CFAP46: variants seen among roughly 807,000 people sequenced by gnomAD.
The protein encoded by CFAP46 is cilia and flagella associated protein 46.
In CFAP46, 245 loss-of-function variants were observed where a neutral mutation model predicts 325.7. That is an observed-to-expected ratio of 0.75 (90% confidence interval 0.68 to 0.84). The LOEUF is 0.84. Among genes scored for constraint, CFAP46 ranks in the 40% least tolerant of loss-of-function variants. CFAP46 has a pLI of 0.00. For missense variants in CFAP46, 3,346 were observed against 3,543.0 expected (o/e 0.94, Z 1.41); for synonymous variants, 1,523 against 1,495.9 (o/e 1.02, Z -0.42).
In CFAP46 at chr10:132,844,973, G is replaced by A. The variant is rs188826401; in HGVS notation, c.6438+1084C>T. Among the ~76,000 whole-genome samples the A allele has an allele frequency of 1.2e-4, 19 of 152,264 alleles. No individual in the cohort carries two copies. The South Asian group carries it at 3.7e-3, about 30-fold the overall frequency. ...GGCTCAAGTGATCCTCCTGCCTCAG[G>A]CTCCTGAGTAACTAGGACTACAGGT... On this transcript the variant is annotated intron_variant, in intron 44 of 57. Transcript: ENST00000368586.
intron 50 of CFAP46, among the ~76,000 whole-genome samples, chr10:132,821,741 GCGC>G (rs1565035575): frequency 7.8e-6 from 1 of 127,474 alleles, no homozygotes; most frequent in Non-Finnish European, 1.7e-5. Context: ...TGCTGTGTGT[GCGC>G]TGATGTGTGC....
intron 22 of CFAP46, among the ~76,000 whole-genome samples, chr10:132,905,293 C>T (rs1442070223): frequency 1.3e-5 from 2 of 152,184 alleles, no homozygotes; most frequent in African/African-American, 2.4e-5. Flanking sequence ...TGTCCCCATC[C>T]GTCCTATGAG....
chr10:132,845,098 G>C (rs370390344), intron 44 of CFAP46, among the ~76,000 whole-genome samples: 1 of 152,114 alleles, frequency 6.6e-6, no homozygotes, highest in Non-Finnish European at 1.5e-5. Context: ...TTTAATTCCC[G>C]CTTGCCATGC....
chr10:132,858,073 T>G (rs939264650), intron 38 of CFAP46, among the ~76,000 whole-genome samples: 2 of 152,254 alleles, frequency 1.3e-5, no homozygotes, highest in African/African-American at 4.8e-5. Flanking sequence ...TCTGATCAGC[T>G]AACTGAACTT....
chr10:132,904,704 C>G (rs1200337031), intron 22 of CFAP46, among the ~76,000 whole-genome samples: 2 of 152,244 alleles, frequency 1.3e-5, no homozygotes, highest in Admixed American at 1.3e-4. Context: ...TGCAGCAGCA[C>G]TCTGCACCCT....
intron 57 of CFAP46, 31 bp downstream of exon 57, chr10:132,810,377 AG>A (rs1470316995): frequency 6.2e-7 from 1 of 1,603,820 alleles, no homozygotes; most frequent in South Asian, 1.1e-5. Flanking sequence ...AGGGTGCTGA[AG>A]GCCGCGGGGT....
chr10:132,822,914 AGTGCTGATGT>A lies in CFAP46; in HGVS notation c.7118-8010_7118-8001del, dbSNP rs985654823. On this transcript the variant is annotated intron_variant, in intron 50 of 57. Coordinates refer to ENST00000368586, the MANE Select transcript of CFAP46 (RefSeq NM_001200049.3). ...GATGTGTGCTGATGTGTGCTGTGTGAGTGCTGATGTGTGCTGATGTGTGCACTGTGTGCTG... is the reference window on the plus strand; with the variant it reads ...GATGTGTGCTGATGTGTGCTGTGTGAGTGCTGATGTGTGCACTGTGTGCTG... 2.8e-4 allele frequency among the ~76,000 whole-genome samples: 17 copies of A among 60,722 alleles called. No homozygotes were observed. In the East Asian group the frequency reaches 4.3e-3, roughly 15 times the overall value. 39.8% of individuals were successfully genotyped at this position (60,722 alleles called of 152,430 possible).
intron 17 of CFAP46, 123 bp from the exon 18 acceptor site, chr10:132,913,381 G>GCAATTTGGGGGGGGGGGGGGGGGGC: frequency 2.9e-6 from 1 of 350,508 alleles, no homozygotes; most frequent in Non-Finnish European, 5.7e-6. Flanking sequence ...GGGCGGGTGG[G>GCAATTTGGGGGGGGGGGGGGGGGGC]CGGCGACCAA....
intron 8 of CFAP46, among the ~76,000 whole-genome samples, chr10:132,932,951 G>A (rs373074767): frequency 7.9e-5 from 12 of 152,344 alleles, no homozygotes; most frequent in Admixed American, 3.9e-4. Flanking sequence ...GCAGCTGCCC[G>A]CTAGATGAAG....
At chr10:132,899,484 C>G in intron 23 of CFAP46, 51 bp downstream of exon 23, 1 of 1,497,378 alleles carries the variant, frequency 6.7e-7, no homozygotes, top group South Asian at 1.3e-5. Context: ...ACAGGGGTCC[C>G]GCACGGCCGG....
chr10:132,936,582 G>A (rs954956114), intron 7 of CFAP46, among the ~76,000 whole-genome samples: 1 of 130,084 alleles, frequency 7.7e-6, no homozygotes, highest in East Asian at 2.3e-4. Context: ...ACTCCCCTCT[G>A]CCCCCAAATA....
intron 4 of CFAP46, among the ~76,000 whole-genome samples, 181 bp downstream of exon 4, chr10:132,940,815 C>T (rs978458550): frequency 5.3e-5 from 8 of 152,188 alleles, no homozygotes; most frequent in East Asian, 1.9e-4. Flanking sequence ...ACTCGGAATT[C>T]GGCATGAATG....
chr10:132,926,831 A>G (rs1849818169), intron 9 of CFAP46, among the ~76,000 whole-genome samples, 165 bp from the exon 10 acceptor site: 2 of 152,224 alleles, frequency 1.3e-5, no homozygotes, highest in African/African-American at 4.8e-5. Context: ...TAAGTGAGGA[A>G]GCCGTGTTTT....
Position 132,869,176 on chromosome 10 carries a change from G to A in CFAP46, c.4610+98C>T. 1.1e-6 allele frequency: 1 copy of A among 949,512 alleles called. No individual in the cohort carries two copies. Among genetic ancestry groups the A allele is most frequent in the Non-Finnish European group, 1.5e-6 (1 of 663,050 alleles). The allele number at this position is 949,512 out of a possible 1,614,324, so 58.8% of individuals were successfully genotyped here. Reference sequence around the variant, plus strand: ...GTGCTCACTCTCCCCAGAGGGGCAGGAGTCCAGGGAAGAGGGTGGCCGCGC... The same window carrying A: ...GTGCTCACTCTCCCCAGAGGGGCAGAAGTCCAGGGAAGAGGGTGGCCGCGC... On this transcript the variant is annotated intron_variant, in intron 33 of 57. Transcript: ENST00000368586. This position sits in a 1 kb window ranked among gnomAD's most constrained non-coding sequence, Gnocchi z 6.2.
intron 8 of CFAP46, among the ~76,000 whole-genome samples, chr10:132,930,113 C>T (rs969759476): frequency 1.3e-5 from 2 of 152,120 alleles, no homozygotes; most frequent in African/African-American, 2.4e-5. Flanking sequence ...CCAGGAGAAG[C>T]ACAGGGATGA....
At chr10:132,870,742 GA>G (rs1462250310) in intron 32 of CFAP46, among the ~76,000 whole-genome samples, 1 of 152,220 alleles carries the variant, frequency 6.6e-6, no homozygotes, top group East Asian at 1.9e-4. Flanking sequence ...TTTCTGGACA[GA>G]AGCTGTCTCT....
intron 44 of CFAP46, among the ~76,000 whole-genome samples, chr10:132,837,795 G>A (rs1591044917): frequency 8.4e-6 from 1 of 118,846 alleles, no homozygotes; most frequent in African/African-American, 3.4e-5. Context: ...AGACATGCAT[G>A]GACACACATG....
In CFAP46 at chr10:132,876,901, C is replaced by A; in HGVS notation, c.4273G>T (p.Ala1425Ser). 1 of 1,550,556 alleles carries A rather than the reference C, an allele frequency of 6.4e-7. No individual in the cohort carries two copies. Among genetic ancestry groups the A allele is most frequent in the Non-Finnish European group, 8.7e-7 (1 of 1,146,972 alleles). The change falls in exon 31 of 58, where the codon GCT becomes TCT. Residue 1425 changes from alanine (A) to serine (S), a missense_variant. By Grantham distance (99) the Ala-to-Ser change is moderately conservative (BLOSUM62 1). Coordinates refer to ENST00000368586, the MANE Select transcript of CFAP46 (RefSeq NM_001200049.3). This position sits in a 1 kb window ranked among gnomAD's most constrained non-coding sequence, Gnocchi z 4.1. ...ACTTCCTCGGGGCAGGAGTAGGAAG[C>A]CCACTCTTCTATGCTCATGGGTAAG... ...EDLPMSIEEW[A>S]SYSCPEEVLS... is the part of the protein sequence containing the mutation.
At chr10:132,860,628 G>C (rs146077414) in intron 36 of CFAP46, 105 bp from the exon 37 acceptor site, 3 of 1,170,776 alleles carry the variant, frequency 2.6e-6, no homozygotes, top group Admixed American at 4.1e-5. Context: ...GAGGACAGGC[G>C]GGGGTAGATA....
Sources: allele counts gnomAD v4.1 joint callset (sites outside exome capture counted in the v4.1 genomes callset), GRCh38; gene constraint gnomAD v4.1.1; non-coding constraint Gnocchi (gnomAD v3.1); transcripts MANE v1.5; gene names NCBI Gene and HGNC (gene_info 2026-07-23, HGNC 2026-07-21).